Variants in RGS6 observed in about 807,000 individuals in gnomAD.
RGS6 encodes regulator of G protein signaling 6.
In RGS6, 30 loss-of-function variants were observed where a neutral mutation model predicts 78.5. The observed-to-expected ratio is 0.38, with a 90% CI of 0.29 to 0.52. The LOEUF (loss-of-function observed/expected upper bound fraction) is 0.52. Ranked by LOEUF, RGS6 falls within the 20% of genes least tolerant of loss-of-function variation. RGS6 has a pLI of 0.85. For synonymous variants in RGS6, 206 were observed against 206.0 expected (o/e 1.00, Z 0.00); for missense variants, 495 against 609.7 (o/e 0.81, Z 1.98).
intron 12 of RGS6, among the ~76,000 whole-genome samples, chr14:72,480,433 G>C (rs2096348967): frequency 6.6e-6 from 1 of 152,180 alleles, no homozygotes; most frequent in African/African-American, 2.4e-5. Flanking sequence ...TGCTTGAGAG[G>C]CTGCTCATAT....
the RGS6 span, among the ~76,000 whole-genome samples, chr14:71,888,664 A>G: frequency 4.6e-4 from 70 of 152,192 alleles, no homozygotes; most frequent in Middle Eastern, 3.4e-3. Context: ...AGAGAAAAAA[A>G]AAAATAGGTG....
intron 2 of RGS6, among the ~76,000 whole-genome samples, chr14:72,027,237 G>A (rs973103115): frequency 3.2e-5 from 4 of 126,948 alleles, no homozygotes; most frequent in Middle Eastern, 3.8e-3. Context: ...GAGAGAGAGT[G>A]TGTGTGTGTG....
At chr14:72,133,606 T>A (rs980039961) in intron 2 of RGS6, among the ~76,000 whole-genome samples, 1 of 152,130 alleles carries the variant, frequency 6.6e-6, no homozygotes, top group African/African-American at 2.4e-5. Context: ...CTTATACATA[T>A]GCCTTTCCAA....
At chr14:72,303,845 C>T (rs1323190339) in intron 2 of RGS6, among the ~76,000 whole-genome samples, 2 of 152,190 alleles carry the variant, frequency 1.3e-5, no homozygotes, top group Non-Finnish European at 2.9e-5. Context: ...CCTCTTCTTT[C>T]ACCTATTAAG....
At position 72,472,182 on chromosome 14, in the gene RGS6, A is replaced by AG. The variant is rs1330264406; in HGVS notation, c.537-690_537-689insG. ...TACATGCTTTTTTAAGAAAAAAAAA[A>AG]AAAGAAAGAAAAAGAAAAAACCTCT... On this transcript the variant is annotated intron_variant, in intron 8 of 17. Coordinates refer to ENST00000553525, the MANE Select transcript of RGS6 (RefSeq NM_001204424.2). Among the ~76,000 whole-genome samples the AG allele has an allele frequency of 4.4e-3, 657 of 150,048 alleles. 3 individuals are homozygous for AG. Among genetic ancestry groups the AG allele is most frequent in the African/African-American group, 0.016 (631 of 40,090 alleles).
intron 3 of RGS6, among the ~76,000 whole-genome samples, chr14:72,361,457 G>A (rs2081440624): frequency 6.6e-6 from 1 of 152,178 alleles, no homozygotes; most frequent in Non-Finnish European, 1.5e-5. Flanking sequence ...AGTTTTCAGA[G>A]GCAAGAGTAA....
chr14:72,333,208 A>T (rs1446074648), intron 2 of RGS6, among the ~76,000 whole-genome samples: 2 of 152,226 alleles, frequency 1.3e-5, no homozygotes, highest in Non-Finnish European at 2.9e-5. Context: ...TTGAAATGCT[A>T]TTCCTGGCAA....
chr14:72,167,501 C>G (rs908759273), intron 2 of RGS6, among the ~76,000 whole-genome samples: 1 of 152,146 alleles, frequency 6.6e-6, no homozygotes, highest in Non-Finnish European at 1.5e-5. Context: ...TCTTTGGAGA[C>G]CATCATAGAC....
chr14:72,052,652 T>TG (rs66519057), intron 2 of RGS6, among the ~76,000 whole-genome samples: 110,690 of 152,058 alleles, frequency 0.73, 40,602 homozygotes, highest in East Asian at 0.88. Flanking sequence ...TTTTTCTTAC[T>TG]GAATTTTTTA....
chr14:72,392,218 T>A (rs2090166349), intron 3 of RGS6, among the ~76,000 whole-genome samples: 1 of 151,990 alleles, frequency 6.6e-6, no homozygotes, highest in Non-Finnish European at 1.5e-5. Context: ...CACAAGGATT[T>A]GACCTTATGC....
chr14:71,881,845 C>T, the RGS6 span, among the ~76,000 whole-genome samples: 1 of 152,190 alleles, frequency 6.6e-6, no homozygotes, highest in African/African-American at 2.4e-5. Flanking sequence ...GTCTTTCTTT[C>T]TCTCTGTCTG....
chr14:72,587,266 C>A, the RGS6 span, among the ~76,000 whole-genome samples: 1 of 152,056 alleles, frequency 6.6e-6, no homozygotes, highest in African/African-American at 2.4e-5. Context: ...GACTTACTCT[C>A]CACCAAGCAG....
In RGS6 at chr14:72,352,260, C is replaced by T. The variant is rs139421333; in HGVS notation, c.184+66C>T. The T allele has an allele frequency of 9.4e-3, 11,254 of 1,195,978 alleles. 71 individuals are homozygous for T. The highest frequency in any genetic ancestry group is 0.011 in the Non-Finnish European group (9,305 of 823,082). The allele number at this position is 1,195,978 out of a possible 1,614,324, so 74.1% of individuals were successfully genotyped here. A position where few individuals can be genotyped will look rare whatever the true frequency, so the allele number is the denominator to read the frequency against. ...ACCAAAGAGTTATAAGTCTAGATTG[C>T]GGCCTGAGGGGTGTCTGAAGATCTG... On this transcript the variant is annotated intron_variant, in intron 3 of 17. Coordinates refer to ENST00000553525, the MANE Select transcript of RGS6 (RefSeq NM_001204424.2).
chr14:72,435,264 A>G (rs532784903), intron 3 of RGS6, among the ~76,000 whole-genome samples: 28 of 152,324 alleles, frequency 1.8e-4, no homozygotes, highest in African/African-American at 6.7e-4. Context: ...AGAAGAATAC[A>G]TTTCTGTTGT....
At chr14:72,389,220 C>G (rs186725388) in intron 3 of RGS6, among the ~76,000 whole-genome samples, 1 of 152,110 alleles carries the variant, frequency 6.6e-6, no homozygotes, top group Non-Finnish European at 1.5e-5. Flanking sequence ...TTGTCCCTGT[C>G]CCGGATGTTC....
At chr14:72,487,331 T>C (rs2096506608) in intron 12 of RGS6, among the ~76,000 whole-genome samples, 1 of 152,234 alleles carries the variant, frequency 6.6e-6, no homozygotes, top group Non-Finnish European at 1.5e-5. Flanking sequence ...ATACATTTAT[T>C]TTTTCACATA....
chr14:72,396,820 C>G (rs1210746344), intron 3 of RGS6, among the ~76,000 whole-genome samples: 2 of 152,150 alleles, frequency 1.3e-5, no homozygotes, highest in African/African-American at 2.4e-5. Flanking sequence ...CCCATTTCTT[C>G]TTTTTGTCAG....
downstream of RGS6, among the ~76,000 whole-genome samples, chr14:72,568,364 G>A (rs1042236388): frequency 6.6e-6 from 1 of 152,214 alleles, no homozygotes; most frequent in Non-Finnish European, 1.5e-5. Context: ...CCATGTCTGA[G>A]ATAGGCATTG....
the RGS6 span, among the ~76,000 whole-genome samples, chr14:72,604,500 G>A: frequency 6.6e-6 from 1 of 152,170 alleles, no homozygotes; most frequent in Non-Finnish European, 1.5e-5. Context: ...ATACCTCTCA[G>A]TTGGCCCGTT....
Sources: gnomAD v4.1 joint callset for allele counts (sites outside exome capture counted in the v4.1 genomes callset) on GRCh38, gnomAD v4.1.1 for gene constraint, MANE v1.5 for transcripts, NCBI Gene and HGNC (gene_info 2026-07-23, HGNC 2026-07-21) for gene names.